LRRC7: variants seen among roughly 807,000 people sequenced by gnomAD.
LRRC7 encodes leucine rich repeat containing 7.
In LRRC7, 23 loss-of-function variants were observed where a neutral mutation model predicts 175.7. The observed-to-expected ratio is 0.13, with a 90% CI of 0.09 to 0.19. The LOEUF (loss-of-function observed/expected upper bound fraction) is 0.19, where lower values mean the gene tolerates loss of function less well. Ranked by LOEUF, LRRC7 falls within the 10% of genes least tolerant of loss-of-function variation. The pLI, the probability that LRRC7 is intolerant of heterozygous loss-of-function variation, is 1.00. For synonymous variants in LRRC7, 685 were observed against 680.9 expected (o/e 1.01, Z -0.09); for missense variants, 1,354 against 1,904.7 (o/e 0.71, Z 5.38).
intron 5 of LRRC7, among the ~76,000 whole-genome samples, chr1:69,826,606 G>A (rs1679938223): frequency 6.6e-6 from 1 of 152,050 alleles, no homozygotes; most frequent in Admixed American, 6.6e-5. Context: ...TTTAGAAGAG[G>A]TTGAAATAAG....
chr1:69,774,747 G>A (rs971864227), intron 3 of LRRC7, among the ~76,000 whole-genome samples: 10 of 152,102 alleles, frequency 6.6e-5, no homozygotes, highest in Admixed American at 1.3e-4. Context: ...TGATTTAACC[G>A]AAGATTTGGA....
chr1:69,660,230 G>T (rs902876296), intron 1 of LRRC7, among the ~76,000 whole-genome samples: 1 of 151,876 alleles, frequency 6.6e-6, no homozygotes, highest in African/African-American at 2.4e-5. Flanking sequence ...ATGATAAAAG[G>T]TTCAATCCAT....
intron 1 of LRRC7, among the ~76,000 whole-genome samples, chr1:69,626,528 T>A (rs181068650): frequency 1.1e-3 from 162 of 152,128 alleles, no homozygotes; most frequent in African/African-American, 3.8e-3. Context: ...CACTTTAGTG[T>A]AGACATTTCT....
chr1:69,694,238 T>C (rs1203705398), intron 2 of LRRC7, among the ~76,000 whole-genome samples: 1 of 152,234 alleles, frequency 6.6e-6, no homozygotes, highest in Non-Finnish European at 1.5e-5. Context: ...TATCCTCACC[T>C]ATAATAATTT....
chr1:69,886,185 T>G (rs2101627971), intron 7 of LRRC7, among the ~76,000 whole-genome samples: 1 of 152,108 alleles, frequency 6.6e-6, no homozygotes, highest in African/African-American at 2.4e-5. Flanking sequence ...TAACTTTCTG[T>G]CTCGTTTATC....
chr1:69,906,332 C>T (rs1646310081), intron 7 of LRRC7, among the ~76,000 whole-genome samples: 1 of 152,132 alleles, frequency 6.6e-6, no homozygotes, highest in Non-Finnish European at 1.5e-5. Context: ...GAAGTCCTTG[C>T]CCTTGCCTAT....
intron 2 of LRRC7, among the ~76,000 whole-genome samples, chr1:69,732,657 C>G (rs1483187211): frequency 1.3e-5 from 2 of 151,844 alleles, no homozygotes; most frequent in Non-Finnish European, 2.9e-5. Context: ...ATTCTTCAAT[C>G]CTCAATTGGG....
chr1:69,928,907 G>A (rs897904401), intron 7 of LRRC7, among the ~76,000 whole-genome samples: 4 of 152,206 alleles, frequency 2.6e-5, no homozygotes, highest in Non-Finnish European at 5.9e-5. Context: ...CGTCGCTTAC[G>A]CTGGGAGCTG....
intron 22 of LRRC7, among the ~76,000 whole-genome samples, chr1:70,046,179 A>T (rs961748386): frequency 6.6e-6 from 1 of 152,128 alleles, no homozygotes; most frequent in Non-Finnish European, 1.5e-5. Context: ...CAATATAGAT[A>T]TATACAGTAT....
intron 25 of LRRC7, among the ~76,000 whole-genome samples, chr1:70,098,836 A>G (rs1263679238): frequency 1.3e-5 from 2 of 151,574 alleles, no homozygotes; most frequent in African/African-American, 2.4e-5. Flanking sequence ...TCAATAGCTT[A>G]CCAACCAAAA....
chr1:69,728,963 A>G (rs1027870651), intron 2 of LRRC7, among the ~76,000 whole-genome samples: 11 of 152,294 alleles, frequency 7.2e-5, no homozygotes, highest in Admixed American at 5.9e-4. Flanking sequence ...AAAACTTACA[A>G]TCATGGCAGA....
intron 26 of LRRC7, among the ~76,000 whole-genome samples, chr1:70,110,247 G>T (rs1665434179): frequency 6.6e-6 from 1 of 152,078 alleles, no homozygotes; most frequent in Non-Finnish European, 1.5e-5. Context: ...AGGTGCAGTG[G>T]TGAGCACCTG....
rs1042107578 is a variant in LRRC7, at chr1:69,859,729, C to T, written c.647+21446C>T. Among the ~76,000 whole-genome samples the T allele has an allele frequency of 2.0e-5, 3 of 151,844 alleles. No individual in the cohort carries two copies. In the East Asian group the frequency reaches 5.8e-4, roughly 29 times the overall value. On this transcript the variant is annotated intron_variant, in intron 7 of 26. Transcript: ENST00000651989. ...AGGTAATGCTTTTGTTAAGAGCTAA[C>T]AAAGTTGAGAAAGAAATAAGGAATT...
intron 2 of LRRC7, among the ~76,000 whole-genome samples, chr1:69,743,889 T>C (rs1308638748): frequency 6.6e-6 from 1 of 151,864 alleles, no homozygotes; most frequent in Non-Finnish European, 1.5e-5. Context: ...AAGCCTTTTG[T>C]CTGATACTCT....
At chr1:70,009,103 T>C (rs1439607733) in intron 11 of LRRC7, among the ~76,000 whole-genome samples, 1 of 152,100 alleles carries the variant, frequency 6.6e-6, no homozygotes, top group Non-Finnish European at 1.5e-5. Flanking sequence ...ATACATGTTT[T>C]TATTATAAAA....
chr1:69,753,283 C>CGT (rs199915847), intron 2 of LRRC7, among the ~76,000 whole-genome samples: 11,796 of 131,096 alleles, frequency 0.09, 646 homozygotes, highest in East Asian at 0.19. Context: ...AAATCATTGT[C>CGT]GTGTGTGTGT....
rs1351553884 is a variant in LRRC7 at position 70,142,072 on chromosome 1, G to A, written c.*20185G>A. ...GAAATCTTATGTAATATTTTTGGAC[G>A]GTCCATAGGAAAAGCAAGATGAAAC... On this transcript the variant is annotated 3_prime_UTR_variant, in exon 27 of 27. Coordinates refer to ENST00000651989, the MANE Select transcript of LRRC7 (RefSeq NM_001370785.2). 3.3e-5 allele frequency: 5 copies of A among 151,918 alleles called. No individual in the cohort carries two copies. Among genetic ancestry groups the A allele is most frequent in the South Asian group, 2.1e-4 (1 of 4,812 alleles). The allele number at this position is 151,918 out of a possible 1,614,324, so 9.4% of individuals were successfully genotyped here.
At chr1:69,844,830 CAT>C (rs1357478762) in intron 7 of LRRC7, among the ~76,000 whole-genome samples, 1 of 152,076 alleles carries the variant, frequency 6.6e-6, no homozygotes, top group Non-Finnish European at 1.5e-5. Context: ...GGAACATAAA[CAT>C]GTGTTTTAGA....
chr1:69,635,510 TAACC>T (rs1557520864), intron 1 of LRRC7, among the ~76,000 whole-genome samples: 1 of 152,108 alleles, frequency 6.6e-6, no homozygotes, highest in Non-Finnish European at 1.5e-5. Context: ...ATGGTATAGA[TAACC>T]AAACAATGCA....
Sources: gnomAD v4.1 joint callset for allele counts (sites outside exome capture counted in the v4.1 genomes callset) on GRCh38, gnomAD v4.1.1 for gene constraint, MANE v1.5 for transcripts, NCBI Gene and HGNC (gene_info 2026-07-23, HGNC 2026-07-21) for gene names.